Variants in KIAA1217 observed in about 807,000 individuals in gnomAD.
KIAA1217 encodes KIAA1217, also known as sickle tail protein homolog.
KIAA1217 carries 88 observed loss-of-function variants against 163.9 expected under a neutral mutation model. The observed-to-expected ratio is 0.54, with a 90% CI of 0.45 to 0.64. The LOEUF is 0.64. Ranked by LOEUF, KIAA1217 falls within the 30% of genes least tolerant of loss-of-function variation. KIAA1217 has a pLI of 0.00. For synonymous variants in KIAA1217, 903 were observed against 923.1 expected (o/e 0.98, Z 0.39); for missense variants, 2,372 against 2,475.0 (o/e 0.96, Z 0.88).
chr10:24,396,134 C>T (rs1446704475), intron 3 of KIAA1217, among the ~76,000 whole-genome samples: 2 of 152,050 alleles, frequency 1.3e-5, no homozygotes, highest in Admixed American at 6.6e-5. Flanking sequence ...GTCAGGAGTT[C>T]GAGACCAGCC....
chr10:24,016,732 T>G (rs1475458438), intron 2 of KIAA1217, among the ~76,000 whole-genome samples: 1 of 152,116 alleles, frequency 6.6e-6, no homozygotes, highest in Admixed American at 6.6e-5. Context: ...TTATTTAACC[T>G]CTTTCTGCCT....
At chr10:24,344,588 A>AT (rs1245632745) in intron 2 of KIAA1217, among the ~76,000 whole-genome samples, 2 of 152,126 alleles carry the variant, frequency 1.3e-5, no homozygotes, top group African/African-American at 2.4e-5. Context: ...ACAGTGAAGG[A>AT]TTTTTTTCCC....
chr10:23,854,627 C>T (rs974142100), intron 1 of KIAA1217, among the ~76,000 whole-genome samples: 1 of 152,078 alleles, frequency 6.6e-6, no homozygotes, highest in Non-Finnish European at 1.5e-5. Context: ...TAAAGTCTCC[C>T]ATTATTATCG....
Position 24,365,158 on chromosome 10 carries a change from G to A in KIAA1217, c.355-15711G>A, listed in dbSNP as rs74230827. ...ATTTGTCTAAAGCAATGGCTGTAGC[G>A]ACTTTCCTTGCCCCCGTTTCTCCAT... On this transcript the variant is annotated intron_variant, in intron 2 of 20. Coordinates refer to ENST00000376454, the MANE Select transcript of KIAA1217 (RefSeq NM_019590.5). Among the ~76,000 whole-genome samples, 1,789 of 152,206 alleles carry A rather than the reference G, an allele frequency of 0.012. 94 individuals are homozygous for A. In the East Asian group the frequency reaches 0.16, roughly 14 times the overall value.
chr10:24,103,315 C>T (rs2062491282), intron 2 of KIAA1217, among the ~76,000 whole-genome samples: 1 of 151,998 alleles, frequency 6.6e-6, no homozygotes, highest in South Asian at 2.1e-4. Context: ...AAAGATGACA[C>T]AGAAGAAAAC....
At chr10:23,981,980 C>T (rs564304017) in intron 1 of KIAA1217, among the ~76,000 whole-genome samples, 14 of 151,942 alleles carry the variant, frequency 9.2e-5, no homozygotes, top group African/African-American at 3.4e-4. Context: ...CTGCCTAGCG[C>T]TGCAGAGTTG....
At chr10:24,365,328 G>A (rs2050626081) in intron 2 of KIAA1217, among the ~76,000 whole-genome samples, 2 of 151,888 alleles carry the variant, frequency 1.3e-5, no homozygotes, top group Admixed American at 6.6e-5. Context: ...CTGAAGGGCT[G>A]TGGTTGTCCT....
chr10:24,411,223 T>A (rs907986375), intron 3 of KIAA1217, among the ~76,000 whole-genome samples: 2 of 152,210 alleles, frequency 1.3e-5, no homozygotes, highest in African/African-American at 4.8e-5. Flanking sequence ...GGTTTTTTTT[T>A]AATTTACTGC....
intron 1 of KIAA1217, among the ~76,000 whole-genome samples, chr10:23,876,272 A>G (rs1840689287): frequency 6.6e-6 from 1 of 151,756 alleles, no homozygotes; most frequent in Non-Finnish European, 1.5e-5. Context: ...AAGTGGGAGC[A>G]CAACACTGGG....
chr10:24,220,622 T>C (rs1286449665), intron 2 of KIAA1217, among the ~76,000 whole-genome samples: 2 of 151,654 alleles, frequency 1.3e-5, no homozygotes, highest in Non-Finnish European at 2.9e-5. Context: ...GCCCGGCTAA[T>C]TTTTTGTATT....
chr10:23,967,708 T>C (rs954912196), intron 1 of KIAA1217, among the ~76,000 whole-genome samples: 3 of 152,206 alleles, frequency 2.0e-5, no homozygotes, highest in Non-Finnish European at 4.4e-5. Context: ...AATGCATTTA[T>C]TTTTTAATGT....
intron 2 of KIAA1217, among the ~76,000 whole-genome samples, chr10:24,372,291 G>A (rs1237613371): frequency 6.6e-6 from 1 of 152,090 alleles, no homozygotes; most frequent in Non-Finnish European, 1.5e-5. Flanking sequence ...GGAAAGAAAC[G>A]TTAAGAACAC....
chr10:24,244,684 C>T (rs2073556128), intron 2 of KIAA1217, among the ~76,000 whole-genome samples: 1 of 151,750 alleles, frequency 6.6e-6, no homozygotes, highest in African/African-American at 2.4e-5. Context: ...CCTGCCTCAG[C>T]CTCCCGAGTA....
intron 1 of KIAA1217, among the ~76,000 whole-genome samples, chr10:23,771,272 C>G (rs1055788994): frequency 6.6e-6 from 1 of 152,174 alleles, no homozygotes; most frequent in Non-Finnish European, 1.5e-5. Context: ...TTCTTCCTTA[C>G]ATAGGGAGCT....
chr10:23,953,225 A>G (rs1844415966), intron 1 of KIAA1217, among the ~76,000 whole-genome samples: 1 of 152,204 alleles, frequency 6.6e-6, no homozygotes, highest in South Asian at 2.1e-4. Context: ...GGATTGTATT[A>G]GCTTATGCTT....
intron 17 of KIAA1217, among the ~76,000 whole-genome samples, chr10:24,540,038 G>C (rs2074777466): frequency 6.6e-6 from 1 of 152,154 alleles, no homozygotes; most frequent in African/African-American, 2.4e-5. Context: ...AGAAATCACT[G>C]TGAGTTTGCA....
chr10:23,887,614 A>G (rs574499059), intron 1 of KIAA1217, among the ~76,000 whole-genome samples: 18 of 151,846 alleles, frequency 1.2e-4, no homozygotes, highest in South Asian at 1.0e-3. Flanking sequence ...TATACCATAC[A>G]TTCTCGGTTT....
chr10:24,532,666 T>A (rs752865422), intron 15 of KIAA1217, among the ~76,000 whole-genome samples: 3 of 151,930 alleles, frequency 2.0e-5, no homozygotes, highest in Non-Finnish European at 4.4e-5. Context: ...TATAAAACGG[T>A]CCGATCTCGT....
At chr10:24,339,274 AT>A (rs2046768323) in intron 2 of KIAA1217, among the ~76,000 whole-genome samples, 1 of 152,186 alleles carries the variant, frequency 6.6e-6, no homozygotes, top group Non-Finnish European at 1.5e-5. Context: ...CAATTCAGTC[AT>A]TGAGTATATA....
Sources: gnomAD v4.1 joint callset for allele counts (sites outside exome capture counted in the v4.1 genomes callset) on GRCh38, gnomAD v4.1.1 for gene constraint, MANE v1.5 for transcripts, NCBI Gene and HGNC (gene_info 2026-07-23, HGNC 2026-07-21) for gene names.